Variants in TOP3B observed in about 807,000 individuals in gnomAD.
TOP3B encodes DNA topoisomerase III beta.
A neutral mutation model predicts 93.9 loss-of-function variants in TOP3B; 45 were observed. That is an observed-to-expected ratio of 0.48 (90% CI 0.38 to 0.61). TOP3B has a LOEUF of 0.61. Among genes scored for constraint, TOP3B ranks in the 20% least tolerant of loss-of-function variants. TOP3B has a pLI of 0.00. For missense variants in TOP3B, 750 were observed against 1,156.1 expected (o/e 0.65, Z 5.09); for synonymous variants, 357 against 472.6 (o/e 0.76, Z 3.17).
chr22:21,962,640 T>C, intron 12 of TOP3B, 38 bp from the exon 13 acceptor site: 1 of 1,605,898 alleles, frequency 6.2e-7, no homozygotes, highest in Non-Finnish European at 8.5e-7. Flanking sequence ...GTCCCCAGCC[T>C]GGGTGGCCGG....
At chr22:21,978,211 A>G (rs10427625) in intron 1 of TOP3B, among the ~76,000 whole-genome samples, 18,265 of 151,846 alleles carry the variant, frequency 0.12, 1,192 homozygotes, top group African/African-American at 0.13. Flanking sequence ...GGAAGTCAGA[A>G]TCCAGGCAGA....
intron 2 of TOP3B, chr22:21,975,335 C>T (rs1274792431): frequency 1.1e-5 from 3 of 272,488 alleles, no homozygotes; most frequent in African/African-American, 2.2e-5. Context: ...GGCTGCGTCT[C>T]CTTCCTTCCA....
intron 14 of TOP3B, 88 bp downstream of exon 14, chr22:21,960,233 G>C (rs1050988306): frequency 2.9e-5 from 46 of 1,583,258 alleles, no homozygotes; most frequent in Non-Finnish European, 3.7e-5. Flanking sequence ...GTAGGGCAGG[G>C]GCCTGTCTGG....
chr22:21,973,092 T>C (rs1161295175), intron 3 of TOP3B: 5 of 312,866 alleles, frequency 1.6e-5, no homozygotes, highest in South Asian at 1.3e-4. Context: ...GGTGCCTTCA[T>C]TGACACTTCC....
In TOP3B at chr22:21,963,699, G is replaced by A. The variant is rs772359473; in HGVS notation, c.1204+224C>T. On this transcript the variant is annotated intron_variant, in intron 11 of 17. Coordinates refer to ENST00000357179, the MANE Select transcript of TOP3B (RefSeq NM_001282112.2). This position sits in a 1 kb window ranked among gnomAD's most constrained non-coding sequence, Gnocchi z 4.8. The stretch of plus-strand genomic sequence containing the variant: ...TGGTTTCATTCATGTCCCCTGTGGC[G>A]TCTGCCCCCTTGCCTCCCTGCAACA... 32 of 565,204 alleles carry A rather than the reference G, an allele frequency of 5.7e-5. No homozygotes were observed. Among genetic ancestry groups the A allele is most frequent in the South Asian group, 1.5e-4 (7 of 47,518 alleles). 35.0% of individuals were successfully genotyped at this position (565,204 alleles called of 1,614,324 possible). A position where few individuals can be genotyped will look rare whatever the true frequency, so the allele number is the denominator to read the frequency against.
At chr22:21,962,097 G>A in intron 13 of TOP3B, 1 of 1,263,518 alleles carries the variant, frequency 7.9e-7, no homozygotes, top group Non-Finnish European at 1.0e-6. Context: ...TGTGGACTCA[G>A]GGGACTGCCA....
rs1193690213 is a variant in TOP3B, at chr22:21,982,747, A to ATCCAGCTCCGGTCCTTGT, written c.-134_-117dup. 2 of 152,240 alleles carry ATCCAGCTCCGGTCCTTGT rather than the reference A, an allele frequency of 1.3e-5. No individual in the cohort carries two copies. The highest frequency in any genetic ancestry group is 2.9e-5 in the Non-Finnish European group (2 of 68,040). The allele number at this position is 152,240 out of a possible 1,614,324, so 9.4% of individuals were successfully genotyped here. On this transcript the variant is annotated 5_prime_UTR_variant, in exon 1 of 18. Coordinates refer to ENST00000357179, the MANE Select transcript of TOP3B (RefSeq NM_001282112.2). ...CCGCTCACCCACAGCCGCACCGCGGATCCAGCTCCGGTCCTTGTTCCCGGG... is the reference window on the plus strand; with the variant it reads ...CCGCTCACCCACAGCCGCACCGCGGATCCAGCTCCGGTCCTTGTTCCAGCTCCGGTCCTTGTTCCCGGG...
chr22:21,969,151 T>TATA, intron 6 of TOP3B: 1 of 175,244 alleles, frequency 5.7e-6, no homozygotes, highest in African/African-American at 2.4e-5. Context: ...TTTGTTTTTG[T>TATA]AGAGACAGGG....
At position 21,962,416 on chromosome 22, in the gene TOP3B, C is replaced by T; in HGVS notation, c.1525+13G>A. 1 of 1,613,054 alleles carries T rather than the reference C, an allele frequency of 6.2e-7. No homozygotes were observed. ...GACGGAGCCGGCTCTGGGGCCTGGG[C>T]AGGCGCACCCACCGATGCCATGCTT... is the stretch of plus-strand genomic sequence containing the variant. On this transcript the variant is annotated intron_variant, in intron 13 of 17. Coordinates refer to ENST00000357179, the MANE Select transcript of TOP3B (RefSeq NM_001282112.2).
At chr22:21,968,027 T>C (rs2071482784) in intron 7 of TOP3B, 2 of 355,486 alleles carry the variant, frequency 5.6e-6, no homozygotes, top group South Asian at 5.7e-5. Context: ...GCCTGGCCAG[T>C]GGTAGGTATG....
Position 21,970,675 on chromosome 22 carries a change from T to C in TOP3B, c.385-269A>G. Reference sequence around the variant, plus strand: ...AGAAACATACTCGAACACTCCCTTCTTACTCCCGCCCTCTCTTCTAATCCT... The same window carrying C: ...AGAAACATACTCGAACACTCCCTTCCTACTCCCGCCCTCTCTTCTAATCCT... On this transcript the variant is annotated intron_variant, in intron 5 of 17. Transcript: ENST00000357179. This position sits in a 1 kb window ranked among gnomAD's most constrained non-coding sequence, Gnocchi z 4.4. The C allele has an allele frequency of 2.0e-6, 1 of 501,938 alleles. No individual in the cohort carries two copies. The highest frequency in any genetic ancestry group is 2.3e-5 in the South Asian group (1 of 43,836). 31.1% of individuals were successfully genotyped at this position (501,938 alleles called of 1,614,324 possible).
At chr22:21,969,661 AT>A (rs2071554215) in intron 6 of TOP3B, 1 of 139,780 alleles carries the variant, frequency 7.2e-6, no homozygotes, top group South Asian at 3.1e-4. Context: ...AGTGGCTCAC[AT>A]GTGTAATCCC....
At position 21,974,485 on chromosome 22, in the gene TOP3B, C is replaced by T; in HGVS notation, c.74G>A (p.Ser25Asn). ...GTTCAGCCCTTTGTGTGAGGACAGG[C>T]TCCCTGGGGATGAGGAAGCACAAAG... ...QSIAKILSRGSLSSHKGLNGA... is the reference protein window; with the variant it reads ...QSIAKILSRGNLSSHKGLNGA... The change falls in exon 3 of 18, where the codon AGC (serine) becomes AAC (asparagine). Residue 25 changes from serine (S) to asparagine (N), a missense_variant. Ser to Asn is a conservative substitution (Grantham distance 46, BLOSUM62 1). Coordinates refer to ENST00000357179, the MANE Select transcript of TOP3B (RefSeq NM_001282112.2). 6.2e-7 allele frequency: 1 copy of T among 1,606,580 alleles called. No individual in the cohort carries two copies. Among genetic ancestry groups the T allele is most frequent in the Non-Finnish European group, 8.5e-7 (1 of 1,175,802 alleles).
chr22:21,978,002 T>C (rs2071951750), intron 1 of TOP3B, among the ~76,000 whole-genome samples: 1 of 151,322 alleles, frequency 6.6e-6, no homozygotes, highest in Admixed American at 6.6e-5. Flanking sequence ...TTGGGGAGGA[T>C]ATGGCTGGGC....
chr22:21,967,909 C>G (rs2071477464), intron 7 of TOP3B, 193 bp from the exon 8 acceptor site: 2 of 565,286 alleles, frequency 3.5e-6, no homozygotes, highest in African/African-American at 3.8e-5. Context: ...ACCACTTGCC[C>G]CAAAACCAGG....
intron 17 of TOP3B, 91 bp downstream of exon 17, chr22:21,958,401 T>TC (rs1164488956): frequency 6.3e-7 from 1 of 1,592,590 alleles, no homozygotes; most frequent in Non-Finnish European, 8.6e-7. Context: ...GGGTGAGGGG[T>TC]CCCCTCAGAG....
Position 21,971,157 on chromosome 22 carries a change from C to G in TOP3B, c.384+720G>C. On this transcript the variant is annotated intron_variant, in intron 5 of 17. Transcript: ENST00000357179. The surrounding 1 kb of genome is among the most constrained non-coding windows in gnomAD (Gnocchi z 4.6). ...CGCCCTGCAGGGGAGGAGAGGGTAT[C>G]TGGGAAGAGACAGAGTGTGATCGCA... 1.3e-6 allele frequency: 1 copy of G among 791,978 alleles called. No homozygotes were observed. The highest frequency in any genetic ancestry group is 1.5e-5 in the South Asian group (1 of 65,818). 49.1% of individuals were successfully genotyped at this position (791,978 alleles called of 1,614,324 possible).
intron 9 of TOP3B, 74 bp downstream of exon 9, chr22:21,965,211 T>G: frequency 9.0e-7 from 1 of 1,107,580 alleles, no homozygotes; most frequent in South Asian, 1.6e-5. Context: ...CCTGCAACCC[T>G]GGGCACTCGC....
intron 1 of TOP3B, chr22:21,976,508 C>T (rs1276373468): frequency 6.6e-6 from 1 of 152,256 alleles, no homozygotes; most frequent in Non-Finnish European, 1.5e-5. Context: ...AGAGAAAGCT[C>T]CGCCAGGCCT....
Sources: allele counts gnomAD v4.1 joint callset (sites outside exome capture counted in the v4.1 genomes callset), GRCh38; gene constraint gnomAD v4.1.1; non-coding constraint Gnocchi (gnomAD v3.1); transcripts MANE v1.5; gene names NCBI Gene and HGNC (gene_info 2026-07-23, HGNC 2026-07-21).